Variants in ZNF536 observed in about 807,000 individuals in gnomAD.
ZNF536 encodes the protein zinc finger protein 536.
Under a neutral mutation model 84.5 loss-of-function variants are expected in ZNF536, and 13 were observed. That is an observed-to-expected ratio of 0.15 (90% CI 0.10 to 0.24). The LOEUF is 0.24. ZNF536 is among the 10% of genes least tolerant of loss of function. The pLI is 1.00. For synonymous variants in ZNF536, 811 were observed against 742.5 expected, an observed-to-expected ratio of 1.09 and a Z score of -1.50; for missense variants, 1,536 against 1,747.5, an observed-to-expected ratio of 0.88 and a Z score of 2.16.
chr19:30,373,101 T>C (rs1453161975), intron 1 of ZNF536, among the ~76,000 whole-genome samples: 2 of 152,222 alleles, frequency 1.3e-5, no homozygotes, highest in African/African-American at 2.4e-5. Context: ...TTTTTGACGT[T>C]AGAGAAATCA....
intron 3 of ZNF536, among the ~76,000 whole-genome samples, chr19:30,363,058 C>CAA (rs34620914): frequency 3.5e-5 from 5 of 141,910 alleles, no homozygotes; most frequent in African/African-American, 1.3e-4. Flanking sequence ...GACTCCATCT[C>CAA]AAAAAAAAAA....
chr19:30,453,369 A>G (rs964661119), intron 2 of ZNF536, among the ~76,000 whole-genome samples: 1 of 152,178 alleles, frequency 6.6e-6, no homozygotes, highest in South Asian at 2.1e-4. Flanking sequence ...TCCTCGAGCC[A>G]GGTCTGGTTT....
intron 1 of ZNF536, among the ~76,000 whole-genome samples, chr19:30,384,545 G>A (rs2049259487): frequency 6.6e-6 from 1 of 151,530 alleles, no homozygotes; most frequent in Non-Finnish European, 1.5e-5. Flanking sequence ...TCCTGGGTGG[G>A]ACCCTGCTTT....
At chr19:30,601,987 G>A (rs2047704004) in intron 1 of ZNF536, among the ~76,000 whole-genome samples, 1 of 152,224 alleles carries the variant, frequency 6.6e-6, no homozygotes, top group Non-Finnish European at 1.5e-5. Context: ...CACAGTCATT[G>A]GGAAGCAAGG....
intron 2 of ZNF536, among the ~76,000 whole-genome samples, chr19:30,345,815 G>A (rs78082779): frequency 0.01 from 1,530 of 152,282 alleles, 18 homozygotes; most frequent in African/African-American, 0.034. Context: ...GGACTAGGTC[G>A]GCCTACCTGA....
In ZNF536 at chr19:30,344,304, T is replaced by TATATATAAACTGGGCGTGG. The variant is rs1460061348; in HGVS notation, c.-119-8064_-119-8063insATATATAAACTGGGCGTGG. Reference sequence around the variant, plus strand: ...AAATACACACACACACACAAATATATTGGCGGCCTCCTATAATCCCAGCTA... The same window carrying TATATATAAACTGGGCGTGG: ...AAATACACACACACACACAAATATATATATATAAACTGGGCGTGGTGGCGGCCTCCTATAATCCCAGCTA... On this transcript the variant is annotated intron_variant, in intron 2 of 5. Transcript: ENST00000585628. 6.0e-5 allele frequency among the ~76,000 whole-genome samples: 4 copies of TATATATAAACTGGGCGTGG among 66,250 alleles called. 1 individual carries two copies. Among genetic ancestry groups the TATATATAAACTGGGCGTGG allele is most frequent in the Admixed American group, 5.7e-4 (3 of 5,264 alleles). 43.5% of individuals were successfully genotyped at this position (66,250 alleles called of 152,430 possible).
intron 4 of ZNF536, among the ~76,000 whole-genome samples, chr19:30,551,729 A>G (rs1599777054): frequency 6.6e-6 from 1 of 152,124 alleles, no homozygotes; most frequent in African/African-American, 2.4e-5. Flanking sequence ...CTATTTTTAG[A>G]GAGTGTGAGT....
chr19:30,287,593 G>A (rs188826084), intron 2 of ZNF536, among the ~76,000 whole-genome samples: 20 of 145,066 alleles, frequency 1.4e-4, no homozygotes, highest in Non-Finnish European at 2.6e-4. Flanking sequence ...TGGATGGATA[G>A]ATGGATGGAT....
At chr19:30,276,391 A>G (rs560390193) in intron 1 of ZNF536, among the ~76,000 whole-genome samples, 2 of 152,302 alleles carry the variant, frequency 1.3e-5, no homozygotes, top group African/African-American at 4.8e-5. Flanking sequence ...TTATACTGGG[A>G]AAGTTTTTTT....
At chr19:30,319,927 GA>G (rs1045535859) in intron 2 of ZNF536, among the ~76,000 whole-genome samples, 3 of 151,974 alleles carry the variant, frequency 2.0e-5, no homozygotes, top group South Asian at 2.1e-4. Flanking sequence ...ATGTTTTGGG[GA>G]AAAAAATGGA....
chr19:30,661,715 C>T (rs2050128888), intron 1 of ZNF536, among the ~76,000 whole-genome samples: 1 of 152,164 alleles, frequency 6.6e-6, no homozygotes, highest in Admixed American at 6.5e-5. Flanking sequence ...CTAAATTAGG[C>T]ACTTCCACAT....
chr19:30,661,286 C>T (rs1410359108), intron 1 of ZNF536, among the ~76,000 whole-genome samples: 1 of 152,164 alleles, frequency 6.6e-6, no homozygotes, highest in Non-Finnish European at 1.5e-5. Flanking sequence ...TTTAATCTTT[C>T]TTCTGATGAC....
At chr19:30,320,355 G>C (rs2046813682) in intron 2 of ZNF536, among the ~76,000 whole-genome samples, 1 of 152,198 alleles carries the variant, frequency 6.6e-6, no homozygotes, top group African/African-American at 2.4e-5. Flanking sequence ...TAGAAGTGTA[G>C]TGGATTCATT....
rs142876613 is a variant in ZNF536 at position 30,515,388 on chromosome 19, C to T, written c.2171-19459C>T. 2.0e-5 allele frequency among the ~76,000 whole-genome samples: 3 copies of T among 152,282 alleles called. No individual in the cohort carries two copies. In the East Asian group the frequency reaches 5.8e-4, roughly 29 times the overall value. On this transcript the variant is annotated intron_variant, in intron 2 of 4. Coordinates refer to ENST00000355537, the MANE Select transcript of ZNF536 (RefSeq NM_014717.3). ...TGTTAACTGCTATTGAAGTAGTTAT[C>T]GTTTATGATAAGAGTTCAGATTTTA... is the stretch of plus-strand genomic sequence containing the variant.
chr19:30,405,630 GC>G (rs2147594946), intron 1 of ZNF536, among the ~76,000 whole-genome samples: 1 of 152,218 alleles, frequency 6.6e-6, no homozygotes, highest in African/African-American at 2.4e-5. Flanking sequence ...CTGTTTATGG[GC>G]GCAGTGTTGT....
intron 1 of ZNF536, among the ~76,000 whole-genome samples, chr19:30,417,938 A>G (rs956652069): frequency 7.9e-5 from 12 of 151,970 alleles, no homozygotes; most frequent in Admixed American, 7.9e-4. Flanking sequence ...TAGTAGAGAC[A>G]AGCTCTTGCT....
intron 1 of ZNF536, among the ~76,000 whole-genome samples, chr19:30,655,380 C>T (rs748172431): frequency 6.6e-6 from 1 of 152,098 alleles, no homozygotes; most frequent in Non-Finnish European, 1.5e-5. Context: ...GAAAATGGTA[C>T]GTGGTACCCA....
chr19:30,488,737 T>C (rs1352768103), intron 2 of ZNF536, among the ~76,000 whole-genome samples: 1 of 152,086 alleles, frequency 6.6e-6, no homozygotes, highest in Admixed American at 6.6e-5. Context: ...GAGTTCTGGG[T>C]TGCAAATGCA....
chr19:30,277,669 AC>A, intron 1 of ZNF536, among the ~76,000 whole-genome samples: 1 of 152,312 alleles, frequency 6.6e-6, no homozygotes, highest in Non-Finnish European at 1.5e-5. Flanking sequence ...ACATGCACAT[AC>A]CCACACACAC....
Sources: gnomAD v4.1 joint callset for allele counts (sites outside exome capture counted in the v4.1 genomes callset) on GRCh38, gnomAD v4.1.1 for gene constraint, MANE v1.5 for transcripts, NCBI Gene and HGNC (gene_info 2026-07-23, HGNC 2026-07-21) for gene names.